XPNPEP1: variants seen among roughly 807,000 people sequenced by gnomAD.
XPNPEP1 encodes X-prolyl aminopeptidase 1.
Under a neutral mutation model 92.4 loss-of-function variants are expected in XPNPEP1, and 39 were observed. That is an observed-to-expected ratio of 0.42 (90% CI 0.33 to 0.55). The LOEUF is 0.55. Among genes scored for constraint, XPNPEP1 ranks in the 20% least tolerant of loss-of-function variants. The pLI is 0.08. For synonymous variants in XPNPEP1, 307 were observed against 299.4 expected (o/e 1.03, Z -0.26); for missense variants, 654 against 856.1 (o/e 0.76, Z 2.95).
intron 2 of XPNPEP1, 127 bp downstream of exon 2, chr10:109,914,884 G>T (rs1850099802): frequency 2.2e-6 from 1 of 462,284 alleles, no homozygotes. Flanking sequence ...TTAACTTCCA[G>T]ATACTAACCC....
chr10:109,884,137 G>T lies in XPNPEP1; in HGVS notation c.760C>A (p.Leu254Ile), dbSNP rs746769746. 16 of 1,613,914 alleles carry T rather than the reference G, an allele frequency of 9.9e-6. No homozygotes were observed. The South Asian group carries it at 1.8e-4, about 18-fold the overall frequency. The change falls in exon 9 of 21, where the codon CTC (leucine) becomes ATC (isoleucine). Residue 254 changes from leucine (L) to isoleucine (I), a missense_variant. Physicochemically the swap from Leu to Ile is conservative, Grantham distance 5. Coordinates refer to ENST00000502935, the MANE Select transcript of XPNPEP1 (RefSeq NM_020383.4). The part of the protein sequence containing the change: ...ALDEIAWLFN[L>I]RGSDVEHNPV... Reference sequence around the variant, plus strand: ...TTGTGCTCCACATCTGATCCTCGGAGATTAAATAGCCCTAGAAAAGAAATC... The same window carrying T: ...TTGTGCTCCACATCTGATCCTCGGATATTAAATAGCCCTAGAAAAGAAATC...
At chr10:109,907,180 T>G (rs1294088615) in intron 3 of XPNPEP1, among the ~76,000 whole-genome samples, 4 of 152,188 alleles carry the variant, frequency 2.6e-5, no homozygotes, top group Non-Finnish European at 4.4e-5. Context: ...ACCATAAGCC[T>G]AGTGAGAGCA....
intron 20 of XPNPEP1, among the ~76,000 whole-genome samples, chr10:109,866,666 G>A (rs1437687242): frequency 1.3e-5 from 2 of 152,202 alleles, no homozygotes; most frequent in Admixed American, 1.3e-4. Flanking sequence ...ATCTGACCAA[G>A]GTCCTTTGCT....
intron 3 of XPNPEP1, among the ~76,000 whole-genome samples, chr10:109,904,422 T>A (rs939086871): frequency 1.3e-5 from 2 of 152,004 alleles, no homozygotes; most frequent in Non-Finnish European, 1.5e-5. Flanking sequence ...AAAAGTACTA[T>A]CACAGAACAA....
intron 3 of XPNPEP1, among the ~76,000 whole-genome samples, chr10:109,900,372 A>G (rs1849219723): frequency 6.6e-6 from 1 of 152,202 alleles, no homozygotes; most frequent in Non-Finnish European, 1.5e-5. Flanking sequence ...ATGGCAGGTC[A>G]CACATGAAGC....
At chr10:109,913,670 G>C (rs552514438) in intron 2 of XPNPEP1, among the ~76,000 whole-genome samples, 3 of 152,316 alleles carry the variant, frequency 2.0e-5, no homozygotes, top group African/African-American at 7.2e-5. Flanking sequence ...CAAGGTCTAT[G>C]CAATTCCCAA....
chr10:109,872,942 C>T (rs1847568787), intron 16 of XPNPEP1, among the ~76,000 whole-genome samples: 1 of 152,192 alleles, frequency 6.6e-6, no homozygotes, highest in African/African-American at 2.4e-5. Flanking sequence ...ATACCAGAAA[C>T]TTAATAGAGT....
At chr10:109,875,053 G>C (rs755975014) in intron 15 of XPNPEP1, among the ~76,000 whole-genome samples, 1 of 152,176 alleles carries the variant, frequency 6.6e-6, no homozygotes, top group Non-Finnish European at 1.5e-5. Context: ...GTTCTTCTCT[G>C]AGAAACTTTG....
In XPNPEP1 at chr10:109,919,414, G is replaced by A. The variant is rs571623664; in HGVS notation, c.32+3988C>T. Among the ~76,000 whole-genome samples, 10 of 152,178 alleles carry A rather than the reference G, an allele frequency of 6.6e-5. No individual in the cohort carries two copies. The South Asian group carries it at 8.3e-4, about 13-fold the overall frequency. ...ATTAGTCATTAGGGAAACACAAATC[G>A]AAACCACAATGTGATACCACTTCAC... On this transcript the variant is annotated intron_variant, in intron 1 of 20. Coordinates refer to ENST00000502935, the MANE Select transcript of XPNPEP1 (RefSeq NM_020383.4).
In XPNPEP1 at chr10:109,865,254, T is replaced by C. The variant is rs1847071508; in HGVS notation, c.1931A>G (p.Gln644Arg). ...GAGAGCTTCCTGGCGGCCCTGTTTC[T>C]GCAATTCCTTCCCAATCACATCCCT... ...TCRDVIGKELQKQGRQEALEW... is the reference protein window; with the variant it reads ...TCRDVIGKELRKQGRQEALEW... Residue 644 changes from glutamine to arginine, a missense_variant, in exon 21 of 21, where the codon CAG becomes CGG. Gln to Arg is a conservative substitution (Grantham distance 43). Transcript: ENST00000502935. 1 of 1,614,096 alleles carries C rather than the reference T, an allele frequency of 6.2e-7. No individual in the cohort carries two copies. The highest frequency in any genetic ancestry group is 8.5e-7 in the Non-Finnish European group (1 of 1,180,048).
chr10:109,883,008 C>G (rs1006911443), intron 9 of XPNPEP1, among the ~76,000 whole-genome samples: 1 of 152,294 alleles, frequency 6.6e-6, no homozygotes, highest in Middle Eastern at 3.4e-3. Flanking sequence ...AGTGCCACAG[C>G]CTCTAAGTCT....
At chr10:109,907,933 CT>C in intron 2 of XPNPEP1, 118 bp from the exon 3 acceptor site, 1 of 1,465,848 alleles carries the variant, frequency 6.8e-7, no homozygotes, top group Non-Finnish European at 9.2e-7. Flanking sequence ...CCAGTTAGGT[CT>C]TCAAATTGAT....
rs749703386 is a variant in XPNPEP1, at chr10:109,882,412, G to A, written c.1041+20C>T. ...GAAGGGGGTGGCAGAGTTTAGATGGGCCAAAGTGGGGTCACCAACCTTGGG... is the reference window on the plus strand; with the variant it reads ...GAAGGGGGTGGCAGAGTTTAGATGGACCAAAGTGGGGTCACCAACCTTGGG... On this transcript the variant is annotated intron_variant, in intron 10 of 20. Transcript: ENST00000502935. The A allele has an allele frequency of 5.0e-6, 8 of 1,605,406 alleles. No homozygotes were observed. The East Asian group carries it at 1.8e-4, about 36-fold the overall frequency.
chr10:109,887,247 G>A (rs746077310), intron 7 of XPNPEP1, among the ~76,000 whole-genome samples: 5 of 152,156 alleles, frequency 3.3e-5, no homozygotes, highest in African/African-American at 7.2e-5. Context: ...ATATTTAGCT[G>A]ACCCTGGGCC....
intron 2 of XPNPEP1, 140 bp from the exon 3 acceptor site, chr10:109,907,955 C>G: frequency 8.1e-7 from 1 of 1,227,474 alleles, no homozygotes; most frequent in Admixed American, 2.4e-5. Flanking sequence ...CACTCCACCA[C>G]CAGACCAAGA....
chr10:109,895,830 G>A (rs1301633617), intron 3 of XPNPEP1, among the ~76,000 whole-genome samples: 3 of 152,240 alleles, frequency 2.0e-5, no homozygotes, highest in East Asian at 1.9e-4. Context: ...CTGGACTACC[G>A]CCCCTACAAT....
At chr10:109,866,003 G>A (rs1442409223) in intron 20 of XPNPEP1, among the ~76,000 whole-genome samples, 1 of 152,190 alleles carries the variant, frequency 6.6e-6, no homozygotes. Context: ...GCAGGAAAAA[G>A]GGTGAACTCT....
Position 109,878,035 on chromosome 10 carries a change from C to T in XPNPEP1, c.1206G>A (p.Glu402=), listed in dbSNP as rs1210209555. 1 of 1,614,244 alleles carries T rather than the reference C, an allele frequency of 6.2e-7. No homozygotes were observed. Among genetic ancestry groups the T allele is most frequent in the Non-Finnish European group, 8.5e-7 (1 of 1,180,036 alleles). Residue 402 remains glutamate, a synonymous_variant, in exon 13 of 21, where the codon GAG becomes GAA. Transcript: ENST00000502935. ...EKEVPKGGVT[E]ISAADKAEEF... The stretch of plus-strand genomic sequence containing the variant: ...CCTCAGCTTTGTCAGCAGCTGAGAT[C>T]TCTGTCACACCACCTTTGGGAACCT...
intron 5 of XPNPEP1, 82 bp from the exon 6 acceptor site, chr10:109,888,677 A>G: frequency 8.8e-7 from 1 of 1,134,306 alleles, no homozygotes; most frequent in East Asian, 2.7e-5. Context: ...ATTCTCTAAC[A>G]TCATGATAGC....
Sources: gnomAD v4.1 joint callset for allele counts (sites outside exome capture counted in the v4.1 genomes callset) on GRCh38, gnomAD v4.1.1 for gene constraint, MANE v1.5 for transcripts, NCBI Gene and HGNC (gene_info 2026-07-23, HGNC 2026-07-21) for gene names.